Variants in SV2B observed in about 807,000 individuals in gnomAD.
SV2B encodes the protein solute carrier family 22 member B2.
SV2B carries 41 observed loss-of-function variants against 73.9 expected under a neutral mutation model. The ratio of observed to expected loss-of-function variants is 0.56; its 90% CI spans 0.43 to 0.72. The LOEUF is 0.72. SV2B is among the 30% of genes least tolerant of loss of function. The pLI, the probability that SV2B is intolerant of heterozygous loss-of-function variation, is 0.00. For synonymous variants in SV2B, 314 were observed against 314.2 expected (o/e 1.00, Z 0.01); for missense variants, 764 against 857.8 (o/e 0.89, Z 1.37).
rs553756689 is a variant in SV2B, at chr15:91,224,695, C to T, written c.-391-1178C>T. On this transcript the variant is annotated intron_variant, in intron 1 of 12. Transcript: ENST00000394232. This position sits in a 1 kb window ranked among gnomAD's most constrained non-coding sequence, Gnocchi z 4.9. ...ATCGCGTTACTAACCCACTCGGAGA[C>T]AGTTTGATTATCTCTCAAATGAAGA... 1.3e-5 allele frequency among the ~76,000 whole-genome samples: 2 copies of T among 152,310 alleles called. No homozygotes were observed. Among genetic ancestry groups the T allele is most frequent in the African/African-American group, 4.8e-5 (2 of 41,558 alleles).
At position 91,251,981 on chromosome 15, in the gene SV2B, G is replaced by C. The variant is rs750150251; in HGVS notation, c.614G>C (p.Arg205Pro). 6.2e-7 allele frequency: 1 copy of C among 1,613,842 alleles called. No individual in the cohort carries two copies. Among genetic ancestry groups the C allele is most frequent in the Non-Finnish European group, 8.5e-7 (1 of 1,179,978 alleles). Residue 205 changes from arginine to proline, a missense_variant, in exon 3 of 13, where the codon CGA (arginine) becomes CCA (proline). Arg to Pro is a moderately radical substitution (Grantham distance 103). Transcript: ENST00000394232. Reference sequence around the variant, plus strand: ...GGATATGGAGCCTTCCTCTTCTGCCGACTCATCTCAGGCATCGGGTATGTT... The same window carrying C: ...GGATATGGAGCCTTCCTCTTCTGCCCACTCATCTCAGGCATCGGGTATGTT... Reference protein sequence around the residue: ...VQGYGAFLFCRLISGIGIGGA... With the variant: ...VQGYGAFLFCPLISGIGIGGA...
intron 1 of SV2B, among the ~76,000 whole-genome samples, chr15:91,120,978 T>G (rs965928147): frequency 6.6e-6 from 1 of 152,170 alleles, no homozygotes; most frequent in Admixed American, 6.6e-5. Flanking sequence ...CACTCAAGAC[T>G]TTCTGATTCT....
At chr15:91,159,280 C>T (rs2043624648) in intron 1 of SV2B, among the ~76,000 whole-genome samples, 3 of 152,040 alleles carry the variant, frequency 2.0e-5, no homozygotes, top group African/African-American at 4.8e-5. Context: ...AATGTTCGGT[C>T]TTTTACAAAT....
chr15:91,196,994 A>T, intron 1 of SV2B, among the ~76,000 whole-genome samples: 1 of 152,138 alleles, frequency 6.6e-6, no homozygotes, highest in East Asian at 1.9e-4. Flanking sequence ...GGAAGTTTAT[A>T]CCCACTTCCA....
At chr15:91,178,080 T>A (rs2044392286) in intron 1 of SV2B, among the ~76,000 whole-genome samples, 1 of 151,892 alleles carries the variant, frequency 6.6e-6, no homozygotes, top group South Asian at 2.1e-4. Flanking sequence ...AATACCTAAT[T>A]TATTGAGAGT....
At chr15:91,178,538 G>C (rs911210478) in intron 1 of SV2B, among the ~76,000 whole-genome samples, 1 of 152,052 alleles carries the variant, frequency 6.6e-6, no homozygotes, top group African/African-American at 2.4e-5. Context: ...CTTTTTGGTT[G>C]GTAAGCTATT....
intron 1 of SV2B, among the ~76,000 whole-genome samples, chr15:91,203,049 C>A (rs781093024): frequency 1.5e-4 from 23 of 152,200 alleles, no homozygotes; most frequent in Non-Finnish European, 2.6e-4. Flanking sequence ...CTTAGGATGA[C>A]AGTCTTATTA....
chr15:91,126,399 G>A (rs981623342), intron 1 of SV2B, among the ~76,000 whole-genome samples: 7 of 152,224 alleles, frequency 4.6e-5, no homozygotes, highest in African/African-American at 1.7e-4. Context: ...TTGCAGATAA[G>A]TAAAGTGACA....
In SV2B at chr15:91,156,993, G is replaced by C. The variant is rs561073595; in HGVS notation, c.-392+56630G>C. 2.0e-5 allele frequency among the ~76,000 whole-genome samples: 3 copies of C among 152,300 alleles called. No homozygotes were observed. In the South Asian group the frequency reaches 6.2e-4, roughly 32 times the overall value. On this transcript the variant is annotated intron_variant, in intron 1 of 12. Coordinates refer to ENST00000394232, the MANE Select transcript of SV2B (RefSeq NM_001323032.3). ...TGTAGGCGCAAGCTCATTGCTTGCT[G>C]CCCAGGGCTCTCTATAGCTGCATTT...
At chr15:91,142,303 C>T (rs2043020064) in intron 1 of SV2B, among the ~76,000 whole-genome samples, 1 of 152,132 alleles carries the variant, frequency 6.6e-6, no homozygotes, top group African/African-American at 2.4e-5. Context: ...TTTTCACTTG[C>T]TAACTCATGC....
Position 91,296,930 on chromosome 15 carries a change from CGTTGGGAGCACGCTCATTCTGCCCGATT to C in SV2B, c.*4394_*4421del. On this transcript the variant is annotated 3_prime_UTR_variant, in exon 13 of 13. Coordinates refer to ENST00000394232, the MANE Select transcript of SV2B (RefSeq NM_001323032.3). ...TGGGCGCATGCTCCTTCTGCCCGAT[CGTTGGGAGCACGCTCATTCTGCCCGATT>C]GTTGGGAGCACGCTCCTTCTGCCCG... The C allele has an allele frequency of 4.4e-5, 6 of 134,836 alleles. No individual in the cohort carries two copies. The highest frequency in any genetic ancestry group is 1.4e-4 in the African/African-American group (5 of 34,830). 8.4% of individuals were successfully genotyped at this position (134,836 alleles called of 1,614,324 possible). A position where few individuals can be genotyped will look rare whatever the true frequency, so the allele number is the denominator to read the frequency against.
At chr15:91,178,526 C>G (rs955293585) in intron 1 of SV2B, among the ~76,000 whole-genome samples, 10 of 152,084 alleles carry the variant, frequency 6.6e-5, no homozygotes, top group African/African-American at 2.4e-4. Flanking sequence ...TGGTCCTGGA[C>G]TCTTTTTGGT....
At position 91,106,107 on chromosome 15, in the gene SV2B, G is replaced by C. The variant is rs1399831905; in HGVS notation, c.-392+5744G>C. On this transcript the variant is annotated intron_variant, in intron 1 of 12. Transcript: ENST00000394232. The surrounding 1 kb of genome is among the most constrained non-coding windows in gnomAD (Gnocchi z 4.4). ...GTGGCTAAATTCATAAAGCAGGCAG[G>C]ATGTGTGGATGAGTTAGATACTTAG... Among the ~76,000 whole-genome samples the C allele has an allele frequency of 2.0e-5, 3 of 152,186 alleles. No individual in the cohort carries two copies. Among genetic ancestry groups the C allele is most frequent in the Non-Finnish European group, 4.4e-5 (3 of 68,036 alleles).
chr15:91,153,536 A>T (rs1442425894), intron 1 of SV2B, among the ~76,000 whole-genome samples: 1 of 151,992 alleles, frequency 6.6e-6, no homozygotes, highest in Non-Finnish European at 1.5e-5. Context: ...TGCTTTGAGG[A>T]TTTAATAAGC....
In SV2B at chr15:91,121,999, C is replaced by T. The variant is rs1286558010; in HGVS notation, c.-392+21636C>T. Among the ~76,000 whole-genome samples, 1 of 152,144 alleles carries T rather than the reference C, an allele frequency of 6.6e-6. No homozygotes were observed. The highest frequency in any genetic ancestry group is 6.5e-5 in the Admixed American group (1 of 15,278). ...CCATGTTAGCCAGGATGGTCTCGAT[C>T]TCCTGACTTCATGATTCGCCTGCCT... On this transcript the variant is annotated intron_variant, in intron 1 of 12. Coordinates refer to ENST00000394232, the MANE Select transcript of SV2B (RefSeq NM_001323032.3). This position sits in a 1 kb window ranked among gnomAD's most constrained non-coding sequence, Gnocchi z 4.4.
intron 1 of SV2B, among the ~76,000 whole-genome samples, chr15:91,159,015 G>T (rs2043615479): frequency 6.6e-6 from 1 of 152,028 alleles, no homozygotes. Flanking sequence ...GGCAGTTTGG[G>T]CTTGGGAGAC....
At chr15:91,276,319 ATT>A (rs1336110682) in intron 9 of SV2B, among the ~76,000 whole-genome samples, 2 of 151,606 alleles carry the variant, frequency 1.3e-5, no homozygotes, top group African/African-American at 4.9e-5. Flanking sequence ...GATTTACTCT[ATT>A]GAGGTTCTAT....
Position 91,242,550 on chromosome 15 carries a change from A to G in SV2B, c.452-9269A>G, listed in dbSNP as rs2047060841. 6.6e-6 allele frequency among the ~76,000 whole-genome samples: 1 copy of G among 152,192 alleles called. No individual in the cohort carries two copies. Among genetic ancestry groups the G allele is most frequent in the South Asian group, 2.1e-4 (1 of 4,828 alleles). On this transcript the variant is annotated intron_variant, in intron 2 of 12. Transcript: ENST00000394232. The surrounding 1 kb of genome is among the most constrained non-coding windows in gnomAD (Gnocchi z 4.9). ...AGGCCTCTTTGAGATTTCGCCTGAA[A>G]TATGAGAAGGAGCCAGCCATGCGAA...
At chr15:91,133,004 G>A (rs1274147745) in intron 1 of SV2B, among the ~76,000 whole-genome samples, 1 of 152,210 alleles carries the variant, frequency 6.6e-6, no homozygotes. Flanking sequence ...AGAGAAGTAT[G>A]TTACCTCTGT....
Sources: gnomAD v4.1 joint callset for allele counts (sites outside exome capture counted in the v4.1 genomes callset) on GRCh38, gnomAD v4.1.1 for gene constraint, Gnocchi (gnomAD v3.1) non-coding constraint, MANE v1.5 for transcripts, NCBI Gene and HGNC (gene_info 2026-07-23, HGNC 2026-07-21) for gene names.